The following FOXA3 variants were observed in gnomAD, a reference collection of about 807,000 sequenced individuals.
The protein encoded by FOXA3 is forkhead box A3, also known as hepatocyte nuclear factor 3-gamma.
Under a neutral mutation model 16.9 loss-of-function variants are expected in FOXA3, and 11 were observed. The ratio of observed to expected loss-of-function variants is 0.65; its 90% CI spans 0.41 to 1.08. The LOEUF is 1.08. Ranked by LOEUF, FOXA3 falls within the 50% of genes least tolerant of loss-of-function variation. The pLI is 0.00. For missense variants in FOXA3, 423 were observed against 470.1 expected (o/e 0.90, Z 0.93); for synonymous variants, 217 against 203.3 (o/e 1.07, Z -0.57).
intron 1 of FOXA3, among the ~76,000 whole-genome samples, chr19:45,868,093 C>A (rs1028522722): frequency 7.9e-5 from 12 of 151,864 alleles, no homozygotes; most frequent in Non-Finnish European, 1.6e-4. Flanking sequence ...ACGGGTAACA[C>A]AACGGCAAAA....
chr19:45,865,290 C>T (rs997702032), intron 1 of FOXA3, among the ~76,000 whole-genome samples: 1 of 152,042 alleles, frequency 6.6e-6, no homozygotes, highest in Non-Finnish European at 1.5e-5. Context: ...CCCTGCTCCC[C>T]GCCAGTCCAG....
intron 1 of FOXA3, among the ~76,000 whole-genome samples, chr19:45,866,780 G>C (rs947195005): frequency 6.6e-6 from 1 of 152,206 alleles, no homozygotes; most frequent in Admixed American, 6.5e-5. Context: ...CTGCTCCCCT[G>C]TTTTAGAGGT....
chr19:45,864,499 T>C lies in FOXA3; in HGVS notation c.43T>C (p.Trp15Arg). 1.3e-6 allele frequency: 2 copies of C among 1,546,932 alleles called. No individual in the cohort carries two copies. The highest frequency in any genetic ancestry group is 1.4e-5 in the African/African-American group (1 of 72,346). ...GATGGAGGCCCATGACCTGGCCGAG[T>C]GGAGCTACTACCCGGAGGCGGGCGA... ...VKMEAHDLAE[W>R]SYYPEAGEVY... The change falls in exon 1 of 2, where the codon TGG (tryptophan) becomes CGG (arginine). Residue 15 changes from tryptophan (W) to arginine (R), a missense_variant. By Grantham distance (101) the Trp-to-Arg change is moderately radical (BLOSUM62 -3). Around this residue, in one of 3 missense-constraint regions of FOXA3, gnomAD observed 170 missense variants for 153.9 expected, o/e 1.10. Coordinates refer to ENST00000302177, the MANE Select transcript of FOXA3 (RefSeq NM_004497.3).
chr19:45,868,555 G>A (rs1972106679), intron 1 of FOXA3, among the ~76,000 whole-genome samples: 1 of 150,026 alleles, frequency 6.7e-6, no homozygotes, highest in East Asian at 2.0e-4. Flanking sequence ...ACTCCAGCCT[G>A]GGCGATACAG....
Position 45,872,215 on chromosome 19 carries a change from T to C in FOXA3, c.210T>C (p.Pro70=), listed in dbSNP as rs2146362897. ...LPSGPLAPPA[P]AAPLGPTFPG... ...CAGGACCCCTGGCACCCCCAGCACC[T>C]GCAGCCCCCCTGGGGCCCACTTTCC... Residue 70 remains proline, a synonymous_variant, in exon 2 of 2, where the codon CCT becomes CCC. Coordinates refer to ENST00000302177, the MANE Select transcript of FOXA3 (RefSeq NM_004497.3). This position sits in a 1 kb window ranked among gnomAD's most constrained non-coding sequence, Gnocchi z 4.5. The C allele has an allele frequency of 6.2e-7, 1 of 1,602,064 alleles. No individual in the cohort carries two copies. The highest frequency in any genetic ancestry group is 8.5e-7 in the Non-Finnish European group (1 of 1,172,556).
intron 1 of FOXA3, among the ~76,000 whole-genome samples, chr19:45,865,295 G>A (rs951842213): frequency 1.3e-5 from 2 of 152,130 alleles, no homozygotes; most frequent in African/African-American, 4.8e-5. Context: ...CTCCCCGCCA[G>A]TCCAGCAACC....
Position 45,872,888 on chromosome 19 carries a change from G to C in FOXA3, c.883G>C (p.Asp295His), listed in dbSNP as rs372848865. The change falls in exon 2 of 2, where the codon GAC (aspartate) becomes CAC (histidine). Residue 295 changes from aspartate (D) to histidine (H), a missense_variant. Physicochemically the swap from Asp to His is moderately conservative, Grantham distance 81. This residue lies in a region of FOXA3 where 168 missense variants were observed against 179.3 expected (regional missense o/e 0.94). Transcript: ENST00000302177. The surrounding 1 kb of genome is among the most constrained non-coding windows in gnomAD (Gnocchi z 4.5). Reference protein sequence around the residue: ...GLELPGELKLDAPYNFNHPFS... With the variant: ...GLELPGELKLHAPYNFNHPFS... ...GGAGCTCCCAGGGGAGCTGAAGCTG[G>C]ACGCGCCCTACAACTTCAACCACCC... The C allele has an allele frequency of 1.2e-6, 2 of 1,614,076 alleles. No homozygotes were observed. Among genetic ancestry groups the C allele is most frequent in the Non-Finnish European group, 1.7e-6 (2 of 1,180,036 alleles).
At chr19:45,866,002 T>A (rs1275787490) in intron 1 of FOXA3, among the ~76,000 whole-genome samples, 1 of 152,038 alleles carries the variant, frequency 6.6e-6, no homozygotes, top group African/African-American at 2.4e-5. Context: ...CAACTACAGT[T>A]GTTTTGGGGG....
Position 45,872,287 on chromosome 19 carries a change from C to T in FOXA3, c.282C>T (p.Ala94=), listed in dbSNP as rs1406981725. 6.2e-7 allele frequency: 1 copy of T among 1,613,332 alleles called. No homozygotes were observed. The highest frequency in any genetic ancestry group is 2.2e-5 in the East Asian group (1 of 44,858). Residue 94 remains alanine, a synonymous_variant, in exon 2 of 2, where the codon GCC becomes GCT. Transcript: ENST00000302177. The surrounding 1 kb of genome is among the most constrained non-coding windows in gnomAD (Gnocchi z 4.5). ...SGGSSSSGYG[A]PGPGLVHGKE... ...GCAGCAGCAGCTCCGGGTACGGGGC[C>T]CCGGGTCCTGGGCTGGTGCACGGGA...
At position 45,869,854 on chromosome 19, in the gene FOXA3, C is replaced by T. The variant is rs192810211; in HGVS notation, c.70-2221C>T. ...AGGCTGGAGGGCAGTGGTGCAATCT[C>T]GGCTCACTGCAACCTCCACCTTCTG... On this transcript the variant is annotated intron_variant, in intron 1 of 1. Coordinates refer to ENST00000302177, the MANE Select transcript of FOXA3 (RefSeq NM_004497.3). Among the ~76,000 whole-genome samples the T allele has an allele frequency of 3.6e-3, 544 of 151,706 alleles. 4 individuals carry two copies. The highest frequency in any genetic ancestry group is 0.013 in the African/African-American group (522 of 41,332).
intron 1 of FOXA3, 55 bp downstream of exon 1, chr19:45,864,580 G>A: frequency 1.4e-6 from 2 of 1,405,010 alleles, no homozygotes; most frequent in Non-Finnish European, 1.9e-6. Flanking sequence ...CGGGGTGTGG[G>A]CTCACATGGA....
rs1024208128 is a variant in FOXA3, at chr19:45,873,440, C to T, written c.*382C>T. 3 of 277,722 alleles carry T rather than the reference C, an allele frequency of 1.1e-5. No homozygotes were observed. The highest frequency in any genetic ancestry group is 4.4e-5 in the African/African-American group (2 of 45,892). 17.2% of individuals were successfully genotyped at this position (277,722 alleles called of 1,614,324 possible). A position where few individuals can be genotyped will look rare whatever the true frequency, so the allele number is the denominator to read the frequency against. On this transcript the variant is annotated 3_prime_UTR_variant, in exon 2 of 2. Coordinates refer to ENST00000302177, the MANE Select transcript of FOXA3 (RefSeq NM_004497.3). ...CACTTCTTTTTTGGTGTACTTGGCA[C>T]AGTAGGTGCCAAGTTGGCCACCATT...
chr19:45,865,214 C>T (rs1972072695), intron 1 of FOXA3, among the ~76,000 whole-genome samples: 1 of 152,052 alleles, frequency 6.6e-6, no homozygotes, highest in South Asian at 2.1e-4. Context: ...CCCCCCATCC[C>T]TACCCATGAC....
At chr19:45,867,657 A>AT (rs1972096174) in intron 1 of FOXA3, among the ~76,000 whole-genome samples, 1 of 151,450 alleles carries the variant, frequency 6.6e-6, no homozygotes. Context: ...GTGCATGCCT[A>AT]TAATCCCAGT....
At position 45,873,033 on chromosome 19, in the gene FOXA3, C is replaced by T; in HGVS notation, c.1028C>T (p.Ser343Phe). 6.2e-7 allele frequency: 1 copy of T among 1,604,434 alleles called. No individual in the cohort carries two copies. The highest frequency in any genetic ancestry group is 1.1e-5 in the South Asian group (1 of 89,728). The change falls in exon 2 of 2, where the codon TCC (serine) becomes TTC (phenylalanine). Residue 343 changes from serine (S) to phenylalanine (F), a missense_variant. Physicochemically the swap from Ser to Phe is radical, Grantham distance 155. Coordinates refer to ENST00000302177, the MANE Select transcript of FOXA3 (RefSeq NM_004497.3). Reference sequence around the variant, plus strand: ...GGAGTCTACTACCAGGGCCTCTATTCCCGCTCTTTGCTTAATGCATCCTAG... The same window carrying T: ...GGAGTCTACTACCAGGGCCTCTATTTCCGCTCTTTGCTTAATGCATCCTAG... ...EPGVYYQGLY[S>F]RSLLNAS
chr19:45,864,380 C>G lies in FOXA3; in HGVS notation c.-77C>G. On this transcript the variant is annotated 5_prime_UTR_variant, in exon 1 of 2. Coordinates refer to ENST00000302177, the MANE Select transcript of FOXA3 (RefSeq NM_004497.3). ...GGCGGGCGCCGGTGGGAGCTCGGGCCGTGCCCGCTGAGAGATCCAGAGCGC... is the reference window on the plus strand; with the variant it reads ...GGCGGGCGCCGGTGGGAGCTCGGGCGGTGCCCGCTGAGAGATCCAGAGCGC... 2 of 1,224,944 alleles carry G rather than the reference C, an allele frequency of 1.6e-6. No homozygotes were observed. Among genetic ancestry groups the G allele is most frequent in the South Asian group, 4.8e-5 (2 of 41,808 alleles). 75.9% of individuals were successfully genotyped at this position (1,224,944 alleles called of 1,614,324 possible).
chr19:45,864,598 C>G, intron 1 of FOXA3, 73 bp downstream of exon 1: 1 of 1,280,070 alleles, frequency 7.8e-7, no homozygotes, highest in Non-Finnish European at 1.0e-6. Context: ...GGAGCAGGGA[C>G]TGGTTGTGGG....
At position 45,873,443 on chromosome 19, in the gene FOXA3, TAG is replaced by T; in HGVS notation, c.*386_*387del. 3.6e-6 allele frequency: 1 copy of T among 275,324 alleles called. No homozygotes were observed. Among genetic ancestry groups the T allele is most frequent in the Admixed American group, 4.8e-5 (1 of 20,846 alleles). The allele number at this position is 275,324 out of a possible 1,614,324, so 17.1% of individuals were successfully genotyped here. A position where few individuals can be genotyped will look rare whatever the true frequency, so the allele number is the denominator to read the frequency against. On this transcript the variant is annotated 3_prime_UTR_variant, in exon 2 of 2. Transcript: ENST00000302177. ...TTCTTTTTTGGTGTACTTGGCACAG[TAG>T]GTGCCAAGTTGGCCACCATTCTGTG... is the stretch of plus-strand genomic sequence containing the variant.
At position 45,872,714 on chromosome 19, in the gene FOXA3, G is replaced by A. The variant is rs1158225350; in HGVS notation, c.709G>A (p.Ala237Thr). The A allele has an allele frequency of 6.2e-7, 1 of 1,605,432 alleles. No individual in the cohort carries two copies. Reference protein sequence around the residue: ...ATTTRNGTGSAASTTTPAATV... With the variant: ...ATTTRNGTGSTASTTTPAATV... ...CACCACCAGGAACGGGACAGGGTCT[G>A]CTGCCTCGACCACCACCCCCGCGGC... The change falls in exon 2 of 2, where the codon GCT (alanine) becomes ACT (threonine). Residue 237 changes from alanine to threonine, a missense_variant. Ala to Thr is a moderately conservative substitution (Grantham distance 58, BLOSUM62 0). Coordinates refer to ENST00000302177, the MANE Select transcript of FOXA3 (RefSeq NM_004497.3). This position sits in a 1 kb window ranked among gnomAD's most constrained non-coding sequence, Gnocchi z 4.5.
Sources: allele counts gnomAD v4.1 joint callset (sites outside exome capture counted in the v4.1 genomes callset), GRCh38; gene constraint gnomAD v4.1.1; regional missense constraint gnomAD v4.1.1; non-coding constraint Gnocchi (gnomAD v3.1); transcripts MANE v1.5; gene names NCBI Gene and HGNC (gene_info 2026-07-23, HGNC 2026-07-21).